Variants in FYN observed in about 807,000 individuals in gnomAD.
The protein encoded by FYN is tyrosine-protein kinase Fyn.
Under a neutral mutation model 70.2 loss-of-function variants are expected in FYN, and 10 were observed. The ratio of observed to expected loss-of-function variants is 0.14; its 90% CI spans 0.09 to 0.24. The LOEUF (loss-of-function observed/expected upper bound fraction) is 0.24, where lower values mean the gene tolerates loss of function less well. FYN is among the 10% of genes least tolerant of loss of function. The pLI is 1.00. For synonymous variants in FYN, 236 were observed against 248.6 expected (o/e 0.95, Z 0.48); for missense variants, 319 against 673.1 (o/e 0.47, Z 5.82).
chr6:111,840,331 T>C (rs1773319263), intron 2 of FYN, among the ~76,000 whole-genome samples: 1 of 152,134 alleles, frequency 6.6e-6, no homozygotes, highest in Admixed American at 6.5e-5. Context: ...GGTATCCTTA[T>C]AAGAGGGCTG....
chr6:111,830,450 C>T (rs1410532053), intron 2 of FYN, among the ~76,000 whole-genome samples: 1 of 152,080 alleles, frequency 6.6e-6, no homozygotes, highest in Non-Finnish European at 1.5e-5. Context: ...AAAGTGTGTG[C>T]CTGCGTGTGG....
intron 9 of FYN, among the ~76,000 whole-genome samples, chr6:111,697,421 G>A (rs1043189652): frequency 6.6e-6 from 1 of 152,076 alleles, no homozygotes; most frequent in Non-Finnish European, 1.5e-5. Context: ...AAGAAGACTG[G>A]TTTAAATTAA....
rs768154851 is a variant in FYN, at chr6:111,661,957, C to T, written c.1406-10G>A. The T allele has an allele frequency of 1.3e-6, 2 of 1,598,424 alleles. No homozygotes were observed. Among genetic ancestry groups the T allele is most frequent in the Admixed American group, 3.4e-5 (2 of 58,804 alleles). On this transcript the variant is annotated splice_polypyrimidine_tract_variant and intron_variant, in intron 13 of 13. Coordinates refer to ENST00000354650, the MANE Select transcript of FYN (RefSeq NM_002037.5). This position sits in a 1 kb window ranked among gnomAD's most constrained non-coding sequence, Gnocchi z 4.0. ...TCCCGGTTGTTCATGCCTGCAAAGA[C>T]AAGCGCAGTGAGAGTGGGCACCCCG...
chr6:111,811,391 G>A (rs1772320005), intron 2 of FYN, among the ~76,000 whole-genome samples: 1 of 152,212 alleles, frequency 6.6e-6, no homozygotes, highest in Non-Finnish European at 1.5e-5. Flanking sequence ...GATTGGAGCT[G>A]TAAATGTAAG....
intron 3 of FYN, among the ~76,000 whole-genome samples, chr6:111,770,398 T>C (rs1241422630): frequency 6.6e-6 from 1 of 152,196 alleles, no homozygotes; most frequent in African/African-American, 2.4e-5. Flanking sequence ...GATTCAGACC[T>C]TTACTTCTTC....
At chr6:111,750,278 A>G (rs1469129172) in intron 3 of FYN, among the ~76,000 whole-genome samples, 1 of 152,146 alleles carries the variant, frequency 6.6e-6, no homozygotes, top group Non-Finnish European at 1.5e-5. Context: ...CCTCCTTGGT[A>G]CTGTCCTCAT....
At chr6:111,734,097 AAAACAAAC>A (rs531204142) in intron 3 of FYN, among the ~76,000 whole-genome samples, 2 of 152,142 alleles carry the variant, frequency 1.3e-5, no homozygotes, top group East Asian at 1.9e-4. Flanking sequence ...AAACAAACAA[AAAACAAAC>A]AAACAAACAA....
chr6:111,796,518 C>T (rs1287492840), intron 2 of FYN, among the ~76,000 whole-genome samples: 1 of 152,154 alleles, frequency 6.6e-6, no homozygotes, highest in African/African-American at 2.4e-5. Context: ...ATGACAAAAT[C>T]ACCTAATGAT....
At chr6:111,777,262 A>G (rs540811716) in intron 3 of FYN, among the ~76,000 whole-genome samples, 1 of 152,276 alleles carries the variant, frequency 6.6e-6, no homozygotes, top group African/African-American at 2.4e-5. Context: ...AATAGAAGGG[A>G]TAGCCTCTTA....
chr6:111,700,129 A>G lies in FYN; in HGVS notation c.837T>C (p.Asn279=). Residue 279 remains asparagine, a synonymous_variant, in exon 9 of 14, where the codon AAT becomes AAC. Transcript: ENST00000354650. Reference sequence around the variant, plus strand: ...CCATCCATACTTCCCCAAACTGCCCATTTCCCAGTCTCTTGATCAACTGCA... The same window carrying G: ...CCATCCATACTTCCCCAAACTGCCCGTTTCCCAGTCTCTTGATCAACTGCA... The part of the protein sequence containing the change: ...ESLQLIKRLG[N]GQFGEVWMGT... 2 of 1,614,084 alleles carry G rather than the reference A, an allele frequency of 1.2e-6. No individual in the cohort carries two copies. The highest frequency in any genetic ancestry group is 1.1e-5 in the South Asian group (1 of 91,072).
intron 3 of FYN, among the ~76,000 whole-genome samples, chr6:111,776,992 C>T (rs1463925091): frequency 1.3e-5 from 2 of 152,188 alleles, no homozygotes; most frequent in African/African-American, 2.4e-5. Context: ...TTTCATCACA[C>T]CAGAACCGCC....
At chr6:111,772,194 A>G (rs1375408174) in intron 3 of FYN, among the ~76,000 whole-genome samples, 1 of 152,226 alleles carries the variant, frequency 6.6e-6, no homozygotes, top group African/African-American at 2.4e-5. Flanking sequence ...GGGCAAGAAA[A>G]AAAAATGTTT....
intron 12 of FYN, among the ~76,000 whole-genome samples, chr6:111,690,920 T>C (rs1029558055): frequency 1.3e-5 from 2 of 152,192 alleles, no homozygotes; most frequent in Non-Finnish European, 2.9e-5. Flanking sequence ...CTTCTTGATA[T>C]CAGTAGCTCC....
At chr6:111,824,875 T>C (rs758305602) in intron 2 of FYN, among the ~76,000 whole-genome samples, 5 of 152,254 alleles carry the variant, frequency 3.3e-5, no homozygotes, top group Non-Finnish European at 5.9e-5. Context: ...CACAAATTCA[T>C]AAACTGAACC....
chr6:111,748,101 T>C (rs1025706500), intron 3 of FYN, among the ~76,000 whole-genome samples: 2 of 152,244 alleles, frequency 1.3e-5, no homozygotes, highest in African/African-American at 4.8e-5. Flanking sequence ...ATTTTAACAT[T>C]ACATTCTGTA....
chr6:111,849,364 T>A (rs964171452), intron 1 of FYN, among the ~76,000 whole-genome samples: 1 of 152,258 alleles, frequency 6.6e-6, no homozygotes, highest in Non-Finnish European at 1.5e-5. Context: ...TCCTCAACTC[T>A]GAGCTCTCTC....
At chr6:111,773,625 A>AGGGAGAGAGGGGGG (rs1562515469) in intron 3 of FYN, among the ~76,000 whole-genome samples, 1 of 38,824 alleles carries the variant, frequency 2.6e-5, no homozygotes, top group African/African-American at 1.1e-4. Flanking sequence ...AGAGAGGGGG[A>AGGGAGAGAGGGGGG]AAGGAGAGGG....
At chr6:111,790,966 A>C (rs1156569269) in intron 2 of FYN, among the ~76,000 whole-genome samples, 1 of 152,238 alleles carries the variant, frequency 6.6e-6, no homozygotes, top group Non-Finnish European at 1.5e-5. Flanking sequence ...CAATATTTTT[A>C]TATGTCAATT....
At chr6:111,687,980 A>T (rs572722512) in intron 12 of FYN, among the ~76,000 whole-genome samples, 89 of 152,244 alleles carry the variant, frequency 5.8e-4, no homozygotes, top group African/African-American at 2.1e-3. Flanking sequence ...TTGGGAGGGG[A>T]CTGAGGTGTA....
Sources: allele counts gnomAD v4.1 joint callset (sites outside exome capture counted in the v4.1 genomes callset), GRCh38; gene constraint gnomAD v4.1.1; non-coding constraint Gnocchi (gnomAD v3.1); transcripts MANE v1.5; gene names NCBI Gene and HGNC (gene_info 2026-07-23, HGNC 2026-07-21).